BCAT1: variants seen among roughly 807,000 people sequenced by gnomAD.
The protein encoded by BCAT1 is branched chain amino acid transaminase 1, also known as branched-chain-amino-acid aminotransferase, cytosolic.
In BCAT1, 48 loss-of-function variants were observed where a neutral mutation model predicts 52.4. That is an observed-to-expected ratio of 0.92 (90% CI 0.73 to 1.16). BCAT1 has a LOEUF of 1.16. Ranked by LOEUF, BCAT1 falls within the 50% of genes most tolerant of loss-of-function variation. The pLI, the probability that BCAT1 is intolerant of heterozygous loss-of-function variation, is 0.00. For missense variants in BCAT1, 451 were observed against 457.1 expected, an observed-to-expected ratio of 0.99 and a Z score of 0.12; for synonymous variants, 167 against 161.3, an observed-to-expected ratio of 1.04 and a Z score of -0.27.
At chr12:24,940,752 C>G (rs1348551968) in intron 1 of BCAT1, among the ~76,000 whole-genome samples, 1 of 152,144 alleles carries the variant, frequency 6.6e-6, no homozygotes, top group East Asian at 1.9e-4. Context: ...CCAGAACTCT[C>G]CACAGGGAAT....
intron 5 of BCAT1, among the ~76,000 whole-genome samples, chr12:24,851,599 T>C (rs547105573): frequency 6.6e-6 from 1 of 152,316 alleles, no homozygotes; most frequent in African/African-American, 2.4e-5. Flanking sequence ...CCTATGATGG[T>C]TGATGGAAGA....
intron 7 of BCAT1, among the ~76,000 whole-genome samples, chr12:24,841,674 C>T (rs1205784195): frequency 2.0e-5 from 3 of 151,942 alleles, no homozygotes; most frequent in Non-Finnish European, 2.9e-5. Flanking sequence ...AGGCCAAGGC[C>T]GGTGGATCAC....
At chr12:24,829,244 C>T (rs1210812271) in intron 10 of BCAT1, among the ~76,000 whole-genome samples, 1 of 149,676 alleles carries the variant, frequency 6.7e-6, no homozygotes. Flanking sequence ...ATTAGCTGGG[C>T]ATGGTGGCGC....
chr12:24,946,149 T>C lies in BCAT1; in HGVS notation c.6+2778A>G, dbSNP rs1279955315. ...ATACAAAGGCTCAACATAGCTGCCA[T>C]TTAGAAACAATCTTTCATTTATGCA... On this transcript the variant is annotated intron_variant, in intron 1 of 10. Coordinates refer to ENST00000261192, the MANE Select transcript of BCAT1 (RefSeq NM_005504.7). Among the ~76,000 whole-genome samples, 4 of 152,340 alleles carry C rather than the reference T, an allele frequency of 2.6e-5. No individual in the cohort carries two copies. In the East Asian group the frequency reaches 7.7e-4, roughly 29 times the overall value.
intron 5 of BCAT1, among the ~76,000 whole-genome samples, chr12:24,868,503 A>G (rs2139551047): frequency 6.6e-6 from 1 of 152,348 alleles, no homozygotes; most frequent in East Asian, 1.9e-4. Flanking sequence ...CATCTATGGA[A>G]ACATGACATA....
At position 24,878,903 on chromosome 12, in the gene BCAT1, C is replaced by T. The variant is rs191165435; in HGVS notation, c.391-254G>A. 2.3e-3 allele frequency among the ~76,000 whole-genome samples: 353 copies of T among 151,838 alleles called. 2 individuals are homozygous for T. Among genetic ancestry groups the T allele is most frequent in the Non-Finnish European group, 3.1e-3 (209 of 67,976 alleles). On this transcript the variant is annotated intron_variant, in intron 4 of 10. Transcript: ENST00000261192. ...TCATAAATATGTATAATTTATGGTA[C>T]CAATAAAAAAAATTTTAAAGTAATA...
At chr12:24,903,121 G>A (rs1943162261) in intron 1 of BCAT1, 2 of 1,322,340 alleles carry the variant, frequency 1.5e-6, no homozygotes, top group South Asian at 2.0e-5. Context: ...ACCTGGGGCC[G>A]CGCGCCAGGG....
intron 5 of BCAT1, among the ~76,000 whole-genome samples, chr12:24,876,273 A>AG (rs1414198811): frequency 6.6e-6 from 1 of 150,928 alleles, no homozygotes; most frequent in Non-Finnish European, 1.5e-5. Context: ...AAAAAAAAAA[A>AG]AAAAAGAAAG....
At chr12:24,824,745 A>T (rs1940313082) in intron 10 of BCAT1, among the ~76,000 whole-genome samples, 1 of 152,160 alleles carries the variant, frequency 6.6e-6, no homozygotes, top group South Asian at 2.1e-4. Context: ...CTTTCTTATC[A>T]CTATGGGCAC....
At chr12:24,849,977 T>G (rs1330137886) in intron 5 of BCAT1, 28 bp from the exon 6 acceptor site, 11 of 1,561,286 alleles carry the variant, frequency 7.0e-6, no homozygotes, top group Non-Finnish European at 8.7e-6. Context: ...TACATACAAC[T>G]GTAACTTAAA....
Position 24,901,771 on chromosome 12 carries a change from T to C in BCAT1, c.78+43A>G, listed in dbSNP as rs776363093. On this transcript the variant is annotated intron_variant, in intron 2 of 10. Coordinates refer to ENST00000261192, the MANE Select transcript of BCAT1 (RefSeq NM_005504.7). ...CTCAACAAGAAATGGATTTATTCAG[T>C]TGAACGTTGCTTTAGACACTAAGCC... 16 of 1,579,238 alleles carry C rather than the reference T, an allele frequency of 1.0e-5. No individual in the cohort carries two copies. The Admixed American group carries it at 2.7e-4, about 27-fold the overall frequency.
chr12:24,883,787 A>G (rs1942576157), intron 3 of BCAT1, among the ~76,000 whole-genome samples: 1 of 152,152 alleles, frequency 6.6e-6, no homozygotes, highest in East Asian at 1.9e-4. Flanking sequence ...CAGATCATCA[A>G]GCATTAGATT....
intron 1 of BCAT1, chr12:24,903,286 C>A (rs1292423363): frequency 2.4e-6 from 1 of 408,816 alleles, no homozygotes; most frequent in Non-Finnish European, 4.1e-6. Flanking sequence ...CACGAACGAG[C>A]GCCTTTCCAA....
chr12:24,934,955 G>C (rs894248703), intron 1 of BCAT1, among the ~76,000 whole-genome samples: 2 of 152,076 alleles, frequency 1.3e-5, no homozygotes, highest in African/African-American at 4.8e-5. Context: ...AAGATATTGT[G>C]GTTTCCTCTC....
At chr12:24,856,335 C>T (rs1410210062) in intron 5 of BCAT1, among the ~76,000 whole-genome samples, 1 of 152,186 alleles carries the variant, frequency 6.6e-6, no homozygotes, top group Non-Finnish European at 1.5e-5. Context: ...CTCTACTGCA[C>T]TACTTCCTCT....
Position 24,816,629 on chromosome 12 carries a change from T to C in BCAT1, c.*1379A>G, listed in dbSNP as rs879213333. 2.5e-6 allele frequency: 1 copy of C among 397,406 alleles called. No homozygotes were observed. Among genetic ancestry groups the C allele is most frequent in the Admixed American group, 4.4e-5 (1 of 22,640 alleles). The allele number at this position is 397,406 out of a possible 1,614,324, so 24.6% of individuals were successfully genotyped here. ...AAAGATTTATTTCTGCAATTAACAC[T>C]TGACATAAAACATTTGTCATTTCCA... On this transcript the variant is annotated 3_prime_UTR_variant, in exon 11 of 11. Transcript: ENST00000261192.
chr12:24,889,674 C>A (rs931449594), intron 3 of BCAT1, among the ~76,000 whole-genome samples: 2 of 152,176 alleles, frequency 1.3e-5, no homozygotes, highest in African/African-American at 4.8e-5. Flanking sequence ...TTCTCCTGCC[C>A]TCCTTTCTAA....
intron 5 of BCAT1, among the ~76,000 whole-genome samples, chr12:24,857,902 C>A (rs180681137): frequency 6.6e-6 from 1 of 151,942 alleles, no homozygotes; most frequent in Non-Finnish European, 1.5e-5. Context: ...AGGGGAATAC[C>A]CCACTCTGTG....
intron 1 of BCAT1, among the ~76,000 whole-genome samples, chr12:24,925,872 G>A (rs565313489): frequency 2.0e-5 from 3 of 152,362 alleles, no homozygotes; most frequent in South Asian, 2.1e-4. Flanking sequence ...GATTGCAGAC[G>A]GAGTCTCGTT....
Sources: gnomAD v4.1 joint callset for allele counts (sites outside exome capture counted in the v4.1 genomes callset) on GRCh38, gnomAD v4.1.1 for gene constraint, MANE v1.5 for transcripts, NCBI Gene and HGNC (gene_info 2026-07-23, HGNC 2026-07-21) for gene names.